Variants in RD3 observed in about 807,000 individuals in gnomAD.
The protein encoded by RD3 is protein RD3.
Under a neutral mutation model 16.9 loss-of-function variants are expected in RD3, and 11 were observed. That is an observed-to-expected ratio of 0.65 (90% confidence interval 0.41 to 1.08). RD3 has a LOEUF of 1.08. RD3 is among the 50% of genes least tolerant of loss of function. The pLI is 0.00. For synonymous variants in RD3, 116 were observed against 114.8 expected (o/e 1.01, Z -0.07); for missense variants, 274 against 267.4 (o/e 1.02, Z -0.17).
chr1:211,487,737 C>T (rs375239973), intron 1 of RD3, among the ~76,000 whole-genome samples: 98 of 152,330 alleles, frequency 6.4e-4, no homozygotes, highest in African/African-American at 2.2e-3. Flanking sequence ...GCCTGGGCAT[C>T]GAGGCCTTGC....
chr1:211,483,996 T>G (rs1022528564), intron 1 of RD3, among the ~76,000 whole-genome samples: 1 of 152,160 alleles, frequency 6.6e-6, no homozygotes, highest in African/African-American at 2.4e-5. Flanking sequence ...CTGCCTGAAA[T>G]GCCCGCCCAT....
Position 211,479,243 on chromosome 1 carries a change from C to T in RD3, c.381G>A (p.Glu127=), listed in dbSNP as rs753444637. 6.2e-7 allele frequency: 1 copy of T among 1,608,500 alleles called. No individual in the cohort carries two copies. The highest frequency in any genetic ancestry group is 1.1e-5 in the South Asian group (1 of 89,790). The change falls in exon 3 of 3, where the codon GAG becomes GAA. Residue 127 remains glutamate (E), a synonymous_variant. Transcript: ENST00000680073. The part of the protein sequence containing the change: ...LFRSVLQEVL[E]RMKQEEEAHK... ...GGGCCTCCTCTTCCTGCTTCATCCTCTCCAGGACCTCCTGCAGCACCGAGC... is the reference window on the plus strand; with the variant it reads ...GGGCCTCCTCTTCCTGCTTCATCCTTTCCAGGACCTCCTGCAGCACCGAGC...
At chr1:211,483,027 G>GAATTGTT (rs1280186755) in intron 1 of RD3, among the ~76,000 whole-genome samples, 1 of 151,928 alleles carries the variant, frequency 6.6e-6, no homozygotes, top group Non-Finnish European at 1.5e-5. Context: ...GCAGAGAAAT[G>GAATTGTT]AATTGTTAAG....
At chr1:211,487,240 C>A (rs889724002) in intron 1 of RD3, among the ~76,000 whole-genome samples, 4 of 152,180 alleles carry the variant, frequency 2.6e-5, no homozygotes, top group African/African-American at 9.6e-5. Context: ...CATTTCTGAT[C>A]CCTGCCCCGT....
Position 211,479,028 on chromosome 1 carries a change from G to A in RD3, c.*8C>T, listed in dbSNP as rs1313879269. 6 of 1,592,202 alleles carry A rather than the reference G, an allele frequency of 3.8e-6. No homozygotes were observed. The highest frequency in any genetic ancestry group is 5.1e-6 in the Non-Finnish European group (6 of 1,172,008). On this transcript the variant is annotated 3_prime_UTR_variant, in exon 3 of 3. Coordinates refer to ENST00000680073, the MANE Select transcript of RD3 (RefSeq NM_001164688.2). ...AGGCTCCGCTTCTGGGCAGGGAAGC[G>A]GCCGGGGTCAGTCGGCTTTGGGCGC... is the stretch of plus-strand genomic sequence containing the variant.
rs35937732 is a variant in RD3, at chr1:211,481,181, A to G, written c.235T>C (p.Leu79=). ...TTAACGCAGACATCTTCCAGCTGCA[A>G]CCGCTCAATGGGGCTGAGGTCATAG... ...STYDLSPIER[L]QLEDVCVKIH... The change falls in exon 2 of 3, where the codon TTG becomes CTG. Residue 79 remains leucine, a synonymous_variant. Coordinates refer to ENST00000680073, the MANE Select transcript of RD3 (RefSeq NM_001164688.2). The G allele has an allele frequency of 1.6e-3, 2,541 of 1,614,278 alleles. 43 individuals carry two copies. In the African/African-American group the frequency reaches 0.029, roughly 18 times the overall value.
chr1:211,491,136 A>G lies in RD3; in HGVS notation c.-12+632T>C, dbSNP rs536228461. ...GGACTGACCCTCATCCCTTGGTCGC[A>G]GCTGGACTTTCCTTCTAGGCCCGAT... On this transcript the variant is annotated intron_variant, in intron 1 of 2. Coordinates refer to ENST00000680073, the MANE Select transcript of RD3 (RefSeq NM_001164688.2). Among the ~76,000 whole-genome samples the G allele has an allele frequency of 2.0e-5, 3 of 152,270 alleles. No individual in the cohort carries two copies. The South Asian group carries it at 6.2e-4, about 32-fold the overall frequency.
At position 211,478,921 on chromosome 1, in the gene RD3, T is replaced by G; in HGVS notation, c.*115A>C. On this transcript the variant is annotated 3_prime_UTR_variant, in exon 3 of 3. Transcript: ENST00000680073. ...AGCAGCGTCTTGGGATGGGGCCGCC[T>G]CTTGGGTCTCCTCGTCAGGCCTAGG... The G allele has an allele frequency of 5.8e-6, 5 of 865,844 alleles. No individual in the cohort carries two copies. Among genetic ancestry groups the G allele is most frequent in the East Asian group, 3.1e-5 (1 of 32,540 alleles). 53.6% of individuals were successfully genotyped at this position (865,844 alleles called of 1,614,324 possible).
At position 211,478,997 on chromosome 1, in the gene RD3, T is replaced by G; in HGVS notation, c.*39A>C. 1.3e-6 allele frequency: 2 copies of G among 1,538,350 alleles called. No individual in the cohort carries two copies. On this transcript the variant is annotated 3_prime_UTR_variant, in exon 3 of 3. Transcript: ENST00000680073. ...CCGGTCACCGGCCTATCATTCCCCC[T>G]GCAGAAGGCTCCGCTTCTGGGCAGG...
rs139470090 is a variant in RD3 at position 211,485,701 on chromosome 1, TC to T, written c.-11-4276del. ...GATTCACCACCGTGGCAGAGCCAAC[TC>T]CTCAGTGTAAGCCCCAAGGCCCCCG... is the stretch of plus-strand genomic sequence containing the variant. On this transcript the variant is annotated intron_variant, in intron 1 of 2. Coordinates refer to ENST00000680073, the MANE Select transcript of RD3 (RefSeq NM_001164688.2). 8.1e-3 allele frequency among the ~76,000 whole-genome samples: 1,238 copies of T among 152,294 alleles called. 23 individuals are homozygous for T. The highest frequency in any genetic ancestry group is 0.028 in the African/African-American group (1,169 of 41,548).
chr1:211,479,434 TC>T, intron 2 of RD3, 107 bp from the exon 3 acceptor site: 2 of 957,790 alleles, frequency 2.1e-6, no homozygotes, highest in Non-Finnish European at 1.5e-6. Context: ...GGCCAATTAG[TC>T]CACTCTACTC....
In RD3 at chr1:211,491,856, T is replaced by G. The variant is rs1705495434; in HGVS notation, c.-100A>C. 1 of 152,196 alleles carries G rather than the reference T, an allele frequency of 6.6e-6. No individual in the cohort carries two copies. The highest frequency in any genetic ancestry group is 1.5e-5 in the Non-Finnish European group (1 of 68,116). The allele number at this position is 152,196 out of a possible 1,614,324, so 9.4% of individuals were successfully genotyped here. ...TCTGGGAGAAGAGAGTGTCTGGATA[T>G]TTTCAGGAAAAAAAAAGAAAGTTGA... On this transcript the variant is annotated 5_prime_UTR_variant, in exon 1 of 3. Transcript: ENST00000680073.
chr1:211,481,956 T>A (rs776028322), intron 1 of RD3, among the ~76,000 whole-genome samples: 1 of 152,116 alleles, frequency 6.6e-6, no homozygotes, highest in Non-Finnish European at 1.5e-5. Context: ...GCCATGGTGG[T>A]TCACACCTGC....
chr1:211,491,984 A>T lies in RD3; in HGVS notation c.-228T>A, dbSNP rs1256652488. On this transcript the variant is annotated 5_prime_UTR_variant, in exon 1 of 3. Coordinates refer to ENST00000680073, the MANE Select transcript of RD3 (RefSeq NM_001164688.2). ...TTTGCCTCTCTTTGGTTCTCTGAGAAGTTTTACCAAGAGAAGAGACAGGAG... is the reference window on the plus strand; with the variant it reads ...TTTGCCTCTCTTTGGTTCTCTGAGATGTTTTACCAAGAGAAGAGACAGGAG... 6.6e-6 allele frequency: 1 copy of T among 152,114 alleles called. No homozygotes were observed. Among genetic ancestry groups the T allele is most frequent in the Non-Finnish European group, 1.5e-5 (1 of 68,230 alleles). 9.4% of individuals were successfully genotyped at this position (152,114 alleles called of 1,614,324 possible). A position where few individuals can be genotyped will look rare whatever the true frequency, so the allele number is the denominator to read the frequency against.
At position 211,481,329 on chromosome 1, in the gene RD3, A is replaced by G. The variant is rs1188420700; in HGVS notation, c.87T>C (p.Leu29=). 2.9e-5 allele frequency: 46 copies of G among 1,613,976 alleles called. No individual in the cohort carries two copies. Among genetic ancestry groups the G allele is most frequent in the Admixed American group, 6.7e-5 (4 of 60,002 alleles). ...GCATCTGCCCCGTCAGCTCCATCAT[A>G]AGCGTCTCCAGCACCATCTCAGCAG... ...RSPAEMVLET[L]MMELTGQMRE... is the part of the protein sequence containing the mutation. Residue 29 remains leucine (L), a synonymous_variant, in exon 2 of 3, where the codon CTT becomes CTC. Transcript: ENST00000680073.
rs567625507 is a variant in RD3 at position 211,490,090 on chromosome 1, A to G, written c.-12+1678T>C. Reference sequence around the variant, plus strand: ...GCGCCACTACCAGCTGTGGCTCGTTAGCTGTGCTGGAAAAACTCTCGCGTT... The same window carrying G: ...GCGCCACTACCAGCTGTGGCTCGTTGGCTGTGCTGGAAAAACTCTCGCGTT... On this transcript the variant is annotated intron_variant, in intron 1 of 2. Coordinates refer to ENST00000680073, the MANE Select transcript of RD3 (RefSeq NM_001164688.2). 4.2e-4 allele frequency among the ~76,000 whole-genome samples: 64 copies of G among 152,100 alleles called. 1 individual carries two copies. The highest frequency in any genetic ancestry group is 1.5e-3 in the African/African-American group (62 of 41,470).
At chr1:211,483,111 C>G (rs1572142974) in intron 1 of RD3, among the ~76,000 whole-genome samples, 1 of 152,062 alleles carries the variant, frequency 6.6e-6, no homozygotes, top group Middle Eastern at 3.4e-3. Context: ...AGCTAAATCT[C>G]TACTTACCGA....
Position 211,478,901 on chromosome 1 carries a change from C to T in RD3, c.*135G>A. 1.3e-6 allele frequency: 1 copy of T among 749,328 alleles called. No individual in the cohort carries two copies. The allele number at this position is 749,328 out of a possible 1,614,324, so 46.4% of individuals were successfully genotyped here. ...AGGGAGTCGCTTCATTTTATAGCAG[C>T]GTCTTGGGATGGGGCCGCCTCTTGG... On this transcript the variant is annotated 3_prime_UTR_variant, in exon 3 of 3. Coordinates refer to ENST00000680073, the MANE Select transcript of RD3 (RefSeq NM_001164688.2).
Position 211,477,487 on chromosome 1 carries a change from A to G in RD3, c.*1549T>C, listed in dbSNP as rs1705168913. 6.6e-6 allele frequency: 1 copy of G among 152,030 alleles called. No homozygotes were observed. Among genetic ancestry groups the G allele is most frequent in the African/African-American group, 2.4e-5 (1 of 41,382 alleles). 9.4% of individuals were successfully genotyped at this position (152,030 alleles called of 1,614,324 possible). A position where few individuals can be genotyped will look rare whatever the true frequency, so the allele number is the denominator to read the frequency against. Reference sequence around the variant, plus strand: ...AAAAAAAAGTTTGGCAACCAAGTGAACTTTTTATGTCTTCAAATAAAATAC... The same window carrying G: ...AAAAAAAAGTTTGGCAACCAAGTGAGCTTTTTATGTCTTCAAATAAAATAC... On this transcript the variant is annotated 3_prime_UTR_variant, in exon 3 of 3. Coordinates refer to ENST00000680073, the MANE Select transcript of RD3 (RefSeq NM_001164688.2).
Sources: allele counts gnomAD v4.1 joint callset (sites outside exome capture counted in the v4.1 genomes callset), GRCh38; gene constraint gnomAD v4.1.1; transcripts MANE v1.5; gene names NCBI Gene and HGNC (gene_info 2026-07-23, HGNC 2026-07-21).